HS3ST2: variants seen among roughly 807,000 people sequenced by gnomAD.
The protein encoded by HS3ST2 is heparan sulfate-glucosamine 3-sulfotransferase 2.
In HS3ST2, 17 loss-of-function variants were observed where a neutral mutation model predicts 26.3. That is an observed-to-expected ratio of 0.65 (90% CI 0.44 to 0.97). The LOEUF is 0.97. HS3ST2 is among the 50% of genes least tolerant of loss of function. The pLI, the probability that HS3ST2 is intolerant of heterozygous loss-of-function variation, is 0.00. For synonymous variants in HS3ST2, 237 were observed against 219.2 expected, an observed-to-expected ratio of 1.08 and a Z score of -0.72; for missense variants, 402 against 501.2, an observed-to-expected ratio of 0.80 and a Z score of 1.89.
intron 1 of HS3ST2, among the ~76,000 whole-genome samples, chr16:22,868,773 T>C (rs1901792758): frequency 6.6e-6 from 1 of 152,206 alleles, no homozygotes; most frequent in South Asian, 2.1e-4. Flanking sequence ...GTTTAACTAC[T>C]AGTCCTTTGT....
intron 1 of HS3ST2, among the ~76,000 whole-genome samples, chr16:22,837,929 T>G (rs1463932209): frequency 6.6e-6 from 1 of 152,180 alleles, no homozygotes; most frequent in Non-Finnish European, 1.5e-5. Context: ...TCTCTGCATA[T>G]GCTTTTACAT....
chr16:22,835,318 T>G (rs958495177), intron 1 of HS3ST2, among the ~76,000 whole-genome samples: 2 of 152,136 alleles, frequency 1.3e-5, no homozygotes, highest in Non-Finnish European at 2.9e-5. Flanking sequence ...TCTTCATTTT[T>G]GTATTTTTAA....
chr16:22,837,483 A>ATGTGTG (rs111354737), intron 1 of HS3ST2, among the ~76,000 whole-genome samples: 5,099 of 144,956 alleles, frequency 0.035, 300 homozygotes, highest in African/African-American at 0.12. Context: ...TTTTTTTCCT[A>ATGTGTG]TGTGTGTGTG....
At chr16:22,867,916 T>A (rs1315129295) in intron 1 of HS3ST2, among the ~76,000 whole-genome samples, 1 of 152,232 alleles carries the variant, frequency 6.6e-6, no homozygotes, top group Non-Finnish European at 1.5e-5. Flanking sequence ...TATGGGAGAT[T>A]GGTATGGAAT....
At chr16:22,868,438 A>G (rs972634268) in intron 1 of HS3ST2, among the ~76,000 whole-genome samples, 9 of 149,710 alleles carry the variant, frequency 6.0e-5, no homozygotes, top group African/African-American at 2.0e-4. Flanking sequence ...AAAGTCTGGA[A>G]GGATCTACAA....
chr16:22,814,901 C>A lies in HS3ST2; in HGVS notation c.291C>A (p.Arg97=). ...SAPAAAVPAP[R]LSGSNHSGSP... The stretch of plus-strand genomic sequence containing the variant: ...CCGCCGCCGCCGTGCCCGCCCCTCG[C>A]CTCTCCGGTTCCAACCACTCCGGCT... The change falls in exon 1 of 2, where the codon CGC becomes CGA. Residue 97 remains arginine, a synonymous_variant. Coordinates refer to ENST00000261374, the MANE Select transcript of HS3ST2 (RefSeq NM_006043.2). 6.3e-7 allele frequency: 1 copy of A among 1,580,376 alleles called. No homozygotes were observed. The highest frequency in any genetic ancestry group is 8.6e-7 in the Non-Finnish European group (1 of 1,163,926).
At chr16:22,823,444 C>T (rs1901031042) in intron 1 of HS3ST2, among the ~76,000 whole-genome samples, 1 of 152,120 alleles carries the variant, frequency 6.6e-6, no homozygotes, top group African/African-American at 2.4e-5. Flanking sequence ...AGATGAGGCA[C>T]ACAACTGACG....
intron 1 of HS3ST2, among the ~76,000 whole-genome samples, chr16:22,871,956 C>T (rs959743268): frequency 3.3e-5 from 5 of 152,180 alleles, no homozygotes; most frequent in Admixed American, 2.0e-4. Flanking sequence ...AGTGACCAGG[C>T]GTACATACAT....
chr16:22,886,926 C>A (rs558601960), intron 1 of HS3ST2, among the ~76,000 whole-genome samples: 87 of 151,988 alleles, frequency 5.7e-4, no homozygotes, highest in Non-Finnish European at 6.8e-4. Context: ...AATTTTTAAA[C>A]CTTTTTGTAG....
At chr16:22,882,361 C>CA (rs1902000218) in intron 1 of HS3ST2, among the ~76,000 whole-genome samples, 2 of 151,906 alleles carry the variant, frequency 1.3e-5, no homozygotes. Flanking sequence ...GACCCCATCT[C>CA]AAAAAATTAA....
intron 1 of HS3ST2, among the ~76,000 whole-genome samples, chr16:22,896,360 A>G (rs1188018657): frequency 6.6e-6 from 1 of 152,190 alleles, no homozygotes; most frequent in Non-Finnish European, 1.5e-5. Context: ...TAGCTCTCGG[A>G]TGTGGGTTTT....
At chr16:22,867,384 C>T (rs1157569072) in intron 1 of HS3ST2, among the ~76,000 whole-genome samples, 1 of 152,054 alleles carries the variant, frequency 6.6e-6, no homozygotes, top group Non-Finnish European at 1.5e-5. Flanking sequence ...AATTGGACTA[C>T]ATAAAAATGT....
At chr16:22,869,544 G>A (rs1901803100) in intron 1 of HS3ST2, among the ~76,000 whole-genome samples, 1 of 152,202 alleles carries the variant, frequency 6.6e-6, no homozygotes, top group Non-Finnish European at 1.5e-5. Context: ...AGGCCTCACA[G>A]TCATGGTGGA....
chr16:22,848,256 G>A (rs1901472132), intron 1 of HS3ST2, among the ~76,000 whole-genome samples: 1 of 152,188 alleles, frequency 6.6e-6, no homozygotes, highest in African/African-American at 2.4e-5. Flanking sequence ...CTGAGCCTCA[G>A]TTTCCTCACT....
At chr16:22,856,578 C>G (rs1901598354) in intron 1 of HS3ST2, among the ~76,000 whole-genome samples, 1 of 152,178 alleles carries the variant, frequency 6.6e-6, no homozygotes, top group South Asian at 2.1e-4. Context: ...ACTAAGAAAC[C>G]CAACTCTCCC....
Position 22,814,557 on chromosome 16 carries a change from C to A in HS3ST2, c.-54C>A, listed in dbSNP as rs1182807481. 6.9e-7 allele frequency: 1 copy of A among 1,455,636 alleles called. No homozygotes were observed. Among genetic ancestry groups the A allele is most frequent in the South Asian group, 1.4e-5 (1 of 71,070 alleles). The allele number at this position is 1,455,636 out of a possible 1,614,324, so 90.2% of individuals were successfully genotyped here. A position where few individuals can be genotyped will look rare whatever the true frequency, so the allele number is the denominator to read the frequency against. On this transcript the variant is annotated 5_prime_UTR_variant, in exon 1 of 2. Coordinates refer to ENST00000261374, the MANE Select transcript of HS3ST2 (RefSeq NM_006043.2). ...AGGCGACCGCAGGGCCACAGCAGCT[C>A]AGCCGCCGGTGCCCCCTCGGAAACC...
intron 1 of HS3ST2, among the ~76,000 whole-genome samples, chr16:22,829,695 A>G (rs1303335808): frequency 6.6e-6 from 1 of 152,166 alleles, no homozygotes; most frequent in African/African-American, 2.4e-5. Context: ...TGCTTCTGCC[A>G]TGGCTGTGGG....
intron 1 of HS3ST2, among the ~76,000 whole-genome samples, chr16:22,829,973 T>C (rs987515186): frequency 7.2e-5 from 11 of 152,166 alleles, no homozygotes; most frequent in African/African-American, 1.9e-4. Context: ...GTCTTAATAA[T>C]TGGGCCAATA....
At chr16:22,874,859 G>T (rs1901891447) in intron 1 of HS3ST2, among the ~76,000 whole-genome samples, 1 of 152,178 alleles carries the variant, frequency 6.6e-6, no homozygotes, top group South Asian at 2.1e-4. Context: ...TGATAAAGTG[G>T]TCAGGACTCC....
Sources: allele counts gnomAD v4.1 joint callset (sites outside exome capture counted in the v4.1 genomes callset), GRCh38; gene constraint gnomAD v4.1.1; transcripts MANE v1.5; gene names NCBI Gene and HGNC (gene_info 2026-07-23, HGNC 2026-07-21).